The following MYO1D variants were observed in gnomAD, a reference collection of about 807,000 sequenced individuals.
MYO1D encodes the protein myosin ID, also known as unconventional myosin-Id.
MYO1D carries 83 observed loss-of-function variants against 122.0 expected under a neutral mutation model. The ratio of observed to expected loss-of-function variants is 0.68; its 90% CI spans 0.57 to 0.82. MYO1D has a LOEUF of 0.82. MYO1D is among the 40% of genes least tolerant of loss of function. The pLI is 0.00. For missense variants in MYO1D, 1,157 were observed against 1,269.5 expected (o/e 0.91, Z 1.35); for synonymous variants, 464 against 446.9 (o/e 1.04, Z -0.48).
At chr17:32,863,075 A>ATAGTAAGAGTTTCAG (rs2091091812) in intron 1 of MYO1D, 2 of 152,206 alleles carry the variant, frequency 1.3e-5, no homozygotes, top group Non-Finnish European at 2.9e-5. Context: ...TTTCAGATAA[A>ATAGTAAGAGTTTCAG]ATAGGAACCT....
Position 32,711,996 on chromosome 17 carries a change from G to C in MYO1D, c.2113C>G (p.Leu705Val). 6.2e-7 allele frequency: 1 copy of C among 1,611,494 alleles called. No individual in the cohort carries two copies. The highest frequency in any genetic ancestry group is 8.5e-7 in the Non-Finnish European group (1 of 1,178,382). ...AQMLIRIVLFLQKVWRGTLAR... is the reference protein window; with the variant it reads ...AQMLIRIVLFVQKVWRGTLAR... ...ATAAAATATAAAATTACCTTTTGTA[G>C]AAAGAGGACAATCCTTATGAGCATC... The change falls in exon 16 of 22, where the codon CTA (leucine) becomes GTA (valine). Residue 705 changes from leucine (L) to valine (V), a missense_variant. Transcript: ENST00000318217.
chr17:32,507,892 C>CT (rs34271237), intron 21 of MYO1D, among the ~76,000 whole-genome samples: 3,501 of 109,256 alleles, frequency 0.032, 145 homozygotes, highest in African/African-American at 0.073. Flanking sequence ...CCATGCTGGA[C>CT]TTTTTTTTTT....
At position 32,494,586 on chromosome 17, in the gene MYO1D, A is replaced by C. The variant is rs1909016727; in HGVS notation, c.*173T>G. On this transcript the variant is annotated 3_prime_UTR_variant, in exon 22 of 22. Transcript: ENST00000318217. Reference sequence around the variant, plus strand: ...CAGGGACCGTGGACAGTAAGGACAGAGGAAGATGATACCAAAGGCAGAAAA... The same window carrying C: ...CAGGGACCGTGGACAGTAAGGACAGCGGAAGATGATACCAAAGGCAGAAAA... 7 of 780,512 alleles carry C rather than the reference A, an allele frequency of 9.0e-6. No individual in the cohort carries two copies. The South Asian group carries it at 1.3e-4, about 14-fold the overall frequency. The allele number at this position is 780,512 out of a possible 1,614,324, so 48.3% of individuals were successfully genotyped here.
chr17:32,872,475 G>A (rs937966086), intron 1 of MYO1D, among the ~76,000 whole-genome samples: 3 of 151,652 alleles, frequency 2.0e-5, no homozygotes, highest in Admixed American at 6.6e-5. Context: ...AGAGTTTCAC[G>A]GTGTTAGCCA....
rs1597951856 is a variant in MYO1D, at chr17:32,630,608, T to C, written c.2709+8114A>G. Among the ~76,000 whole-genome samples the C allele has an allele frequency of 3.9e-5, 6 of 152,184 alleles. No homozygotes were observed. In the South Asian group the frequency reaches 1.2e-3, roughly 32 times the overall value. On this transcript the variant is annotated intron_variant, in intron 20 of 21. Coordinates refer to ENST00000318217, the MANE Select transcript of MYO1D (RefSeq NM_015194.3). ...TTTTTTTTGAAATGGAGTCTCGCTC[T>C]GTTGCCCAGGCTGGAGTGCAGTGGT...
intron 21 of MYO1D, among the ~76,000 whole-genome samples, chr17:32,554,057 A>C (rs2087046351): frequency 6.6e-6 from 1 of 152,176 alleles, no homozygotes; most frequent in African/African-American, 2.4e-5. Context: ...AACTCACCTA[A>C]ATAAAATACC....
intron 21 of MYO1D, among the ~76,000 whole-genome samples, chr17:32,552,072 C>T (rs556589844): frequency 1.3e-5 from 2 of 152,276 alleles, no homozygotes; most frequent in East Asian, 3.9e-4. Context: ...TACTTATGCA[C>T]TGTTTTTTGT....
intron 21 of MYO1D, among the ~76,000 whole-genome samples, chr17:32,596,766 A>G (rs2087497131): frequency 6.6e-6 from 1 of 152,268 alleles, no homozygotes; most frequent in Non-Finnish European, 1.5e-5. Context: ...GCATCCAGAC[A>G]GGCAAATGCC....
Position 32,494,031 on chromosome 17 carries a change from G to C in MYO1D, c.*728C>G, listed in dbSNP as rs933468095. 1.3e-5 allele frequency: 2 copies of C among 152,324 alleles called. No individual in the cohort carries two copies. The highest frequency in any genetic ancestry group is 4.8e-5 in the African/African-American group (2 of 41,468). The allele number at this position is 152,324 out of a possible 1,614,324, so 9.4% of individuals were successfully genotyped here. A position where few individuals can be genotyped will look rare whatever the true frequency, so the allele number is the denominator to read the frequency against. On this transcript the variant is annotated 3_prime_UTR_variant, in exon 22 of 22. Transcript: ENST00000318217. ...TAAGAGGACCACAGCCACAGGCTGC[G>C]AGTTAAGTAAGATGATCCTTGGAGC... is the stretch of plus-strand genomic sequence containing the variant.
At chr17:32,720,324 C>T (rs2089495852) in intron 15 of MYO1D, among the ~76,000 whole-genome samples, 1 of 152,148 alleles carries the variant, frequency 6.6e-6, no homozygotes, top group Admixed American at 6.5e-5. Context: ...GGAGGTACTA[C>T]TATTCCAAGT....
In MYO1D at chr17:32,738,503, A is replaced by G. The variant is rs567350709; in HGVS notation, c.1614-118T>C. The G allele has an allele frequency of 8.5e-5, 89 of 1,046,464 alleles. No individual in the cohort carries two copies. In the African/African-American group the frequency reaches 1.2e-3, roughly 15 times the overall value. The allele number at this position is 1,046,464 out of a possible 1,614,324, so 64.8% of individuals were successfully genotyped here. A position where few individuals can be genotyped will look rare whatever the true frequency, so the allele number is the denominator to read the frequency against. On this transcript the variant is annotated intron_variant, in intron 13 of 21. Transcript: ENST00000318217. ...CATAATTGGACTACAGATTCAACTC[A>G]CAAGGCCTAATTGGAATGATGATTC...
intron 1 of MYO1D, among the ~76,000 whole-genome samples, chr17:32,819,624 A>G (rs1256183937): frequency 1.3e-5 from 2 of 152,238 alleles, no homozygotes; most frequent in Admixed American, 1.3e-4. Context: ...AAAAAGGAAT[A>G]AAAACCACTG....
At chr17:32,867,798 CAAAAAAAAAA>C (rs5820001) in intron 1 of MYO1D, among the ~76,000 whole-genome samples, 5 of 53,902 alleles carry the variant, frequency 9.3e-5, no homozygotes, top group Non-Finnish European at 1.3e-4. Flanking sequence ...GACTCCGTCT[CAAAAAAAAAA>C]AAAAAAAAAA....
intron 16 of MYO1D, among the ~76,000 whole-genome samples, chr17:32,696,046 T>G (rs1010725132): frequency 2.0e-5 from 3 of 152,214 alleles, no homozygotes; most frequent in African/African-American, 7.2e-5. Context: ...CCAGAGACTA[T>G]ATCACATGTG....
intron 16 of MYO1D, among the ~76,000 whole-genome samples, chr17:32,660,821 C>T (rs973752919): frequency 1.0e-3 from 152 of 152,310 alleles, no homozygotes; most frequent in African/African-American, 3.4e-3. Context: ...GTTACGCCTC[C>T]ACCCAAGTGC....
chr17:32,795,838 C>T (rs557930803), intron 1 of MYO1D, among the ~76,000 whole-genome samples: 1 of 151,238 alleles, frequency 6.6e-6, no homozygotes, highest in African/African-American at 2.4e-5. Context: ...ACGACACTTC[C>T]TGTTTACAGG....
At chr17:32,639,539 A>G (rs2088162564) in intron 19 of MYO1D, among the ~76,000 whole-genome samples, 2 of 152,024 alleles carry the variant, frequency 1.3e-5, no homozygotes, top group South Asian at 4.1e-4. Flanking sequence ...TAATAAACAC[A>G]TATGTATTTT....
chr17:32,837,800 A>T (rs749570551), intron 1 of MYO1D, among the ~76,000 whole-genome samples: 1 of 152,076 alleles, frequency 6.6e-6, no homozygotes, highest in South Asian at 2.1e-4. Flanking sequence ...AAAAATTTGT[A>T]TTTCATTGTT....
intron 20 of MYO1D, among the ~76,000 whole-genome samples, chr17:32,606,785 C>G (rs2087633048): frequency 6.6e-6 from 1 of 152,148 alleles, no homozygotes; most frequent in Non-Finnish European, 1.5e-5. Flanking sequence ...AGATCGGGAG[C>G]AATGCAAGGA....
Sources: allele counts gnomAD v4.1 joint callset (sites outside exome capture counted in the v4.1 genomes callset), GRCh38; gene constraint gnomAD v4.1.1; transcripts MANE v1.5; gene names NCBI Gene and HGNC (gene_info 2026-07-23, HGNC 2026-07-21).